Variants in TMEM135 observed in about 807,000 individuals in gnomAD.
TMEM135 encodes the protein peroxisomal membrane protein 52.
Under a neutral mutation model 60.3 loss-of-function variants are expected in TMEM135, and 30 were observed. That is an observed-to-expected ratio of 0.50 (90% CI 0.37 to 0.68). The LOEUF (loss-of-function observed/expected upper bound fraction) is 0.68. TMEM135 is among the 30% of genes least tolerant of loss of function. The probability of loss-of-function intolerance (pLI) is 0.00; values close to 1 mark genes in which losing one functional copy is unlikely to be tolerated. For synonymous variants in TMEM135, 190 were observed against 186.7 expected (o/e 1.02, Z -0.14); for missense variants, 468 against 548.8 (o/e 0.85, Z 1.47).
chr11:87,178,085 G>A (rs1055668966), intron 5 of TMEM135, among the ~76,000 whole-genome samples: 4 of 152,100 alleles, frequency 2.6e-5, no homozygotes, highest in African/African-American at 9.7e-5. Flanking sequence ...TTCAGTATAT[G>A]GGTGTGATTG....
chr11:87,318,669 C>G (rs1942771855), intron 13 of TMEM135, among the ~76,000 whole-genome samples: 1 of 151,970 alleles, frequency 6.6e-6, no homozygotes, highest in African/African-American at 2.4e-5. Context: ...ATTGTTCAAT[C>G]TCTGAATTCT....
chr11:87,102,289 A>G (rs1421944370), intron 4 of TMEM135, among the ~76,000 whole-genome samples: 1 of 152,176 alleles, frequency 6.6e-6, no homozygotes, highest in Non-Finnish European at 1.5e-5. Context: ...CAGCTAATTT[A>G]CCAGAGCAGC....
At chr11:87,047,470 G>GCAGACAGTGGGCGC (rs1949807198) in intron 1 of TMEM135, among the ~76,000 whole-genome samples, 1 of 151,420 alleles carries the variant, frequency 6.6e-6, no homozygotes, top group African/African-American at 2.4e-5. Flanking sequence ...CACCGTGCGC[G>GCAGACAGTGGGCGC]AGCCGAAGCA....
At chr11:87,084,995 A>G (rs915147797) in intron 3 of TMEM135, among the ~76,000 whole-genome samples, 3 of 150,652 alleles carry the variant, frequency 2.0e-5, no homozygotes, top group African/African-American at 7.2e-5. Flanking sequence ...GGATTTACTC[A>G]CCAGTAAGGG....
At chr11:87,071,989 C>G (rs1224357468) in intron 3 of TMEM135, among the ~76,000 whole-genome samples, 1 of 152,004 alleles carries the variant, frequency 6.6e-6, no homozygotes, top group East Asian at 1.9e-4. Flanking sequence ...GAATTTGAGA[C>G]CAGCCTGGCC....
At chr11:87,309,381 C>A in intron 9 of TMEM135, 124 bp from the exon 10 acceptor site, 3 of 908,066 alleles carry the variant, frequency 3.3e-6, no homozygotes, top group South Asian at 1.5e-5. Context: ...CTTTATTTTG[C>A]TGTGCTATAA....
At chr11:87,180,076 A>G (rs1019441301) in intron 5 of TMEM135, among the ~76,000 whole-genome samples, 26 of 152,070 alleles carry the variant, frequency 1.7e-4, no homozygotes, top group African/African-American at 6.0e-4. Flanking sequence ...TGGTCAGAGG[A>G]CTGGAAAGAA....
rs149477586 is a variant in TMEM135, at chr11:87,134,487, T to A, written c.397-22854T>A. Among the ~76,000 whole-genome samples the A allele has an allele frequency of 1.4e-4, 22 of 152,292 alleles. No individual in the cohort carries two copies. In the East Asian group the frequency reaches 4.1e-3, roughly 28 times the overall value. ...ATGTCTAGTATTTTCAAATTTCGTT[T>A]AGTTTTGTTTTTAGAGACAGGGTCT... On this transcript the variant is annotated intron_variant, in intron 4 of 14. Coordinates refer to ENST00000305494, the MANE Select transcript of TMEM135 (RefSeq NM_022918.4).
intron 4 of TMEM135, chr11:87,096,164 T>A: frequency 3.6e-6 from 1 of 279,310 alleles, no homozygotes; most frequent in Non-Finnish European, 6.7e-6. Context: ...GACTACTACT[T>A]GGAAAACTAG....
chr11:87,306,697 C>T (rs562527307), intron 9 of TMEM135, among the ~76,000 whole-genome samples: 25 of 152,218 alleles, frequency 1.6e-4, no homozygotes, highest in Admixed American at 1.6e-3. Flanking sequence ...GGTGGCACCA[C>T]CTGCTGCAAG....
chr11:87,251,012 A>G (rs550368864), intron 6 of TMEM135, among the ~76,000 whole-genome samples: 1 of 152,256 alleles, frequency 6.6e-6, no homozygotes, highest in African/African-American at 2.4e-5. Flanking sequence ...TGCTGCTTGG[A>G]TGAGGAAGAT....
intron 4 of TMEM135, among the ~76,000 whole-genome samples, chr11:87,142,833 C>T (rs540944499): frequency 3.8e-4 from 56 of 148,744 alleles, no homozygotes; most frequent in African/African-American, 1.4e-3. Flanking sequence ...TCTTCCTTCT[C>T]CTTTCTTCTT....
Position 87,309,487 on chromosome 11 carries a change from T to C in TMEM135, c.769-18T>C. On this transcript the variant is annotated intron_variant, in intron 9 of 14. Transcript: ENST00000305494. The stretch of plus-strand genomic sequence containing the variant: ...AAAATTTGTTTGTAAATCAGGTTTT[T>C]CTCCAAATTTCCTCTAGGGTTTCAT... 1.9e-6 allele frequency: 3 copies of C among 1,613,356 alleles called. No homozygotes were observed. Among genetic ancestry groups the C allele is most frequent in the South Asian group, 1.1e-5 (1 of 91,004 alleles).
chr11:87,067,921 C>G lies in TMEM135; in HGVS notation c.269+100C>G. ...AATGTTATGTGGGTTACTATCCCCG[C>G]CCCCCCTTTTTTTAATCTGTGAAGT... is the stretch of plus-strand genomic sequence containing the variant. On this transcript the variant is annotated intron_variant, in intron 2 of 14. Coordinates refer to ENST00000305494, the MANE Select transcript of TMEM135 (RefSeq NM_022918.4). 3.5e-6 allele frequency: 5 copies of G among 1,432,674 alleles called. 1 individual carries two copies. The highest frequency in any genetic ancestry group is 9.7e-7 in the Non-Finnish European group (1 of 1,034,162). The allele number at this position is 1,432,674 out of a possible 1,614,324, so 88.7% of individuals were successfully genotyped here.
intron 5 of TMEM135, among the ~76,000 whole-genome samples, chr11:87,198,806 A>T (rs1940027483): frequency 6.6e-6 from 1 of 152,020 alleles, no homozygotes; most frequent in African/African-American, 2.4e-5. Flanking sequence ...TAGAAACAAC[A>T]GTTTAAAAAG....
At chr11:87,289,285 C>G (rs542316559) in intron 6 of TMEM135, among the ~76,000 whole-genome samples, 128 of 152,098 alleles carry the variant, frequency 8.4e-4, no homozygotes, top group Non-Finnish European at 1.3e-3. Context: ...TTTATCACGT[C>G]TTTGTATTGG....
Position 87,183,427 on chromosome 11 carries a change from C to T in TMEM135, c.462+26021C>T, listed in dbSNP as rs945623232. The stretch of plus-strand genomic sequence containing the variant: ...AAGTGTGGGGATTACAGGTGTGAGC[C>T]ACCACACCTGGCTATCACTAAAATT... On this transcript the variant is annotated intron_variant, in intron 5 of 14. Transcript: ENST00000305494. Among the ~76,000 whole-genome samples, 90 of 151,690 alleles carry T rather than the reference C, an allele frequency of 5.9e-4. 1 individual carries two copies. The highest frequency in any genetic ancestry group is 2.2e-3 in the African/African-American group (89 of 41,324).
rs545762919 is a variant in TMEM135, at chr11:87,261,715, G to C, written c.509+25031G>C. On this transcript the variant is annotated intron_variant, in intron 6 of 14. Coordinates refer to ENST00000305494, the MANE Select transcript of TMEM135 (RefSeq NM_022918.4). ...TGACTCACTGCAGCCTCAAACGTCT[G>C]GCCTTAAGCAGTCCTCCCACCTCAG... Among the ~76,000 whole-genome samples the C allele has an allele frequency of 2.2e-3, 334 of 152,070 alleles. 2 individuals are homozygous for C. The highest frequency in any genetic ancestry group is 7.6e-3 in the African/African-American group (317 of 41,476).
intron 5 of TMEM135, among the ~76,000 whole-genome samples, chr11:87,191,622 A>G (rs994509509): frequency 2.0e-5 from 3 of 152,200 alleles, no homozygotes; most frequent in African/African-American, 7.2e-5. Context: ...GAAGAAGTGA[A>G]GAATTTGTGG....
Sources: allele counts gnomAD v4.1 joint callset (sites outside exome capture counted in the v4.1 genomes callset), GRCh38; gene constraint gnomAD v4.1.1; transcripts MANE v1.5; gene names NCBI Gene and HGNC (gene_info 2026-07-23, HGNC 2026-07-21).